KIF6: variants seen among roughly 807,000 people sequenced by gnomAD.
KIF6 encodes kinesin-like protein KIF6.
In KIF6, 106 loss-of-function variants were observed where a neutral mutation model predicts 112.7. The ratio of observed to expected loss-of-function variants is 0.94; its 90% CI spans 0.80 to 1.11. The LOEUF (loss-of-function observed/expected upper bound fraction) is 1.11. Ranked by LOEUF, KIF6 falls within the 50% of genes least tolerant of loss-of-function variation. KIF6 has a pLI of 0.00. For synonymous variants in KIF6, 339 were observed against 339.9 expected, an observed-to-expected ratio of 1.00 and a Z score of 0.03; for missense variants, 929 against 964.0, an observed-to-expected ratio of 0.96 and a Z score of 0.48.
At chr6:39,654,117 G>A (rs1228303265) in intron 3 of KIF6, among the ~76,000 whole-genome samples, 1 of 152,104 alleles carries the variant, frequency 6.6e-6, no homozygotes, top group Admixed American at 6.5e-5. Context: ...GTAACGAGAG[G>A]CTAATAACAT....
intron 13 of KIF6, among the ~76,000 whole-genome samples, chr6:39,525,333 C>A (rs1283737984): frequency 6.6e-6 from 1 of 152,148 alleles, no homozygotes; most frequent in Non-Finnish European, 1.5e-5. Flanking sequence ...GGTTTACGGG[C>A]AAGAGCTACT....
chr6:39,711,631 G>A (rs1789564352), intron 3 of KIF6, among the ~76,000 whole-genome samples: 1 of 152,138 alleles, frequency 6.6e-6, no homozygotes, highest in African/African-American at 2.4e-5. Flanking sequence ...GGAAAGGAAA[G>A]ACTTCAGAAA....
chr6:39,695,844 C>T (rs983161895), intron 3 of KIF6, among the ~76,000 whole-genome samples: 1 of 152,136 alleles, frequency 6.6e-6, no homozygotes, highest in African/African-American at 2.4e-5. Context: ...GACACCCACA[C>T]TCGTATTCTC....
rs191900665 is a variant in KIF6, at chr6:39,425,373, C to T, written c.1755-5370G>A. ...CCTATATTTTGCCATTTTTTTCCTC[C>T]ATAAACTTGTACCTTGTACCCTGGC... On this transcript the variant is annotated intron_variant, in intron 14 of 22. Coordinates refer to ENST00000287152, the MANE Select transcript of KIF6 (RefSeq NM_145027.6). 7.2e-5 allele frequency among the ~76,000 whole-genome samples: 11 copies of T among 152,268 alleles called. No individual in the cohort carries two copies. The South Asian group carries it at 1.0e-3, about 14-fold the overall frequency.
intron 6 of KIF6, among the ~76,000 whole-genome samples, chr6:39,610,195 T>C (rs1783140319): frequency 6.6e-6 from 1 of 152,220 alleles, no homozygotes; most frequent in South Asian, 2.1e-4. Context: ...GTTCAGCTTT[T>C]ATAATATTTA....
chr6:39,364,096 CT>C (rs56902405), intron 16 of KIF6, among the ~76,000 whole-genome samples: 15,460 of 145,206 alleles, frequency 0.11, 966 homozygotes, highest in African/African-American at 0.2. Context: ...GTGTCTGGAA[CT>C]TTTTTTTTTT....
At chr6:39,432,411 G>A (rs141417566) in intron 13 of KIF6, among the ~76,000 whole-genome samples, 1 of 152,268 alleles carries the variant, frequency 6.6e-6, no homozygotes, top group Non-Finnish European at 1.5e-5. Context: ...CACATACCAC[G>A]TCTCCTCTTG....
intron 13 of KIF6, among the ~76,000 whole-genome samples, chr6:39,432,975 T>C (rs1295578058): frequency 1.4e-5 from 2 of 147,352 alleles, no homozygotes; most frequent in Non-Finnish European, 3.0e-5. Context: ...GGTGTGGGGG[T>C]GGTGGGTGAA....
intron 13 of KIF6, among the ~76,000 whole-genome samples, chr6:39,494,499 A>AT (rs1176006380): frequency 6.6e-6 from 1 of 152,232 alleles, no homozygotes; most frequent in Non-Finnish European, 1.5e-5. Flanking sequence ...TTCCAATAGT[A>AT]TTTTTATGAA....
intron 3 of KIF6, among the ~76,000 whole-genome samples, chr6:39,675,039 C>G (rs1431969463): frequency 2.0e-5 from 3 of 151,978 alleles, no homozygotes; most frequent in Non-Finnish European, 4.4e-5. Flanking sequence ...CTAAAATCTA[C>G]TTAGAGATTC....
At chr6:39,685,565 C>T (rs1787811777) in intron 3 of KIF6, among the ~76,000 whole-genome samples, 1 of 152,178 alleles carries the variant, frequency 6.6e-6, no homozygotes. Flanking sequence ...GCACTAAGTG[C>T]CCATTTGAAA....
chr6:39,347,546 G>A (rs1763902502), intron 19 of KIF6, among the ~76,000 whole-genome samples: 1 of 152,236 alleles, frequency 6.6e-6, no homozygotes. Flanking sequence ...CTTACTCTAA[G>A]TTGTGCTGTA....
At chr6:39,392,033 C>A (rs1047122324) in intron 15 of KIF6, among the ~76,000 whole-genome samples, 1 of 152,124 alleles carries the variant, frequency 6.6e-6, no homozygotes, top group African/African-American at 2.4e-5. Context: ...TTCTCCTCTT[C>A]TTCCAACAGG....
At chr6:39,720,629 A>G (rs1325730731) in intron 2 of KIF6, 73 bp downstream of exon 2, 2 of 780,102 alleles carry the variant, frequency 2.6e-6, no homozygotes, top group Non-Finnish European at 4.4e-6. Context: ...TGATTTCACA[A>G]TGAATATTAA....
At chr6:39,684,564 C>T (rs547254135) in intron 3 of KIF6, among the ~76,000 whole-genome samples, 1 of 149,980 alleles carries the variant, frequency 6.7e-6, no homozygotes, top group Non-Finnish European at 1.5e-5. Flanking sequence ...TGCAGTGAGC[C>T]GAGATCACGC....
chr6:39,537,727 A>G (rs1418433887), intron 13 of KIF6, among the ~76,000 whole-genome samples: 1 of 152,240 alleles, frequency 6.6e-6, no homozygotes, highest in Non-Finnish European at 1.5e-5. Context: ...TTTAAAGTTC[A>G]TACGGAACCA....
chr6:39,630,257 C>CT (rs1243781089), intron 5 of KIF6, among the ~76,000 whole-genome samples: 1 of 151,984 alleles, frequency 6.6e-6, no homozygotes, highest in Non-Finnish European at 1.5e-5. Context: ...TTGATCTATA[C>CT]TTTATCTACA....
chr6:39,461,764 T>C (rs1773493393), intron 13 of KIF6, among the ~76,000 whole-genome samples: 1 of 152,170 alleles, frequency 6.6e-6, no homozygotes, highest in Non-Finnish European at 1.5e-5. Context: ...GTAGCCAAAC[T>C]GAGTAGTAAA....
intron 14 of KIF6, among the ~76,000 whole-genome samples, chr6:39,427,738 C>T (rs2150376105): frequency 6.6e-6 from 1 of 152,290 alleles, no homozygotes. Flanking sequence ...TATTGCCAGC[C>T]CATCCTGCAT....
Sources: gnomAD v4.1 joint callset for allele counts (sites outside exome capture counted in the v4.1 genomes callset) on GRCh38, gnomAD v4.1.1 for gene constraint, MANE v1.5 for transcripts, NCBI Gene and HGNC (gene_info 2026-07-23, HGNC 2026-07-21) for gene names.